FLT1: variants seen among roughly 807,000 people sequenced by gnomAD.
FLT1 encodes vascular endothelial growth factor receptor 1.
Under a neutral mutation model 156.3 loss-of-function variants are expected in FLT1, and 49 were observed. The observed-to-expected ratio is 0.31, with a 90% CI of 0.25 to 0.40. The LOEUF (loss-of-function observed/expected upper bound fraction) is 0.40. Ranked by LOEUF, FLT1 falls within the 10% of genes least tolerant of loss-of-function variation. The pLI is 1.00. For synonymous variants in FLT1, 594 were observed against 583.8 expected (o/e 1.02, Z -0.25); for missense variants, 1,322 against 1,637.2 (o/e 0.81, Z 3.32).
chr13:28,352,617 T>C (rs1872764781), intron 15 of FLT1, among the ~76,000 whole-genome samples: 1 of 152,246 alleles, frequency 6.6e-6, no homozygotes, highest in Non-Finnish European at 1.5e-5. Flanking sequence ...CTGGTTAGAT[T>C]TGAAGTATAG....
At chr13:28,408,529 A>T (rs991741745) in intron 10 of FLT1, among the ~76,000 whole-genome samples, 5 of 152,160 alleles carry the variant, frequency 3.3e-5, no homozygotes, top group African/African-American at 1.2e-4. Flanking sequence ...ATTTAGGGGG[A>T]GGGGAATGTG....
chr13:28,388,460 T>C, intron 13 of FLT1: 1 of 1,044,028 alleles, frequency 9.6e-7, no homozygotes, highest in Non-Finnish European at 1.2e-6. Flanking sequence ...TATAGTTTTT[T>C]TTTTTAAATA....
chr13:28,301,851 T>A lies in FLT1; in HGVS notation c.*1316A>T, dbSNP rs1300439585. The A allele has an allele frequency of 4.3e-6, 1 of 233,406 alleles. No homozygotes were observed. Among genetic ancestry groups the A allele is most frequent in the East Asian group, 6.0e-5 (1 of 16,576 alleles). 14.5% of individuals were successfully genotyped at this position (233,406 alleles called of 1,614,324 possible). ...CTTCTAGTGATGGCTCATTAACTAA[T>A]ATCCTGAGTCCCAACTGGAGAAATA... On this transcript the variant is annotated 3_prime_UTR_variant, in exon 30 of 30. Transcript: ENST00000282397.
chr13:28,387,676 T>G (rs2137454692), intron 13 of FLT1: 1 of 1,063,806 alleles, frequency 9.4e-7, no homozygotes, highest in African/African-American at 1.6e-5. Flanking sequence ...ATTTCAATTA[T>G]TCCCCATTTT....
At chr13:28,319,070 A>G (rs1033712800) in intron 24 of FLT1, among the ~76,000 whole-genome samples, 47 of 152,134 alleles carry the variant, frequency 3.1e-4, no homozygotes, top group African/African-American at 8.5e-4. Context: ...CGGGGAGGGA[A>G]GCGGTAAGGG....
At chr13:28,357,794 C>T (rs1209512004) in intron 14 of FLT1, 109 bp from the exon 15 acceptor site, 14 of 1,034,658 alleles carry the variant, frequency 1.4e-5, no homozygotes, top group East Asian at 2.4e-5. Flanking sequence ...CAAGGAAATC[C>T]GAGCTCTAGT....
At chr13:28,434,317 A>G (rs1877898222) in intron 4 of FLT1, 97 bp from the exon 5 acceptor site, 3 of 1,169,938 alleles carry the variant, frequency 2.6e-6, no homozygotes, top group South Asian at 2.6e-5. Flanking sequence ...TTTCATCTAA[A>G]ATGAAAATAG....
chr13:28,354,247 C>G (rs1872823456), intron 15 of FLT1, among the ~76,000 whole-genome samples: 1 of 152,200 alleles, frequency 6.6e-6, no homozygotes, highest in South Asian at 2.1e-4. Context: ...TGAATCCAAA[C>G]TCCTTCCATT....
intron 14 of FLT1, among the ~76,000 whole-genome samples, chr13:28,373,374 A>T (rs1440948266): frequency 6.6e-6 from 1 of 152,002 alleles, no homozygotes; most frequent in Non-Finnish European, 1.5e-5. Flanking sequence ...AACTTTCTTG[A>T]CTTTGATTTT....
Position 28,412,346 on chromosome 13 carries a change from C to CTCTT in FLT1, c.1437-6453_1437-6452insAAGA, listed in dbSNP as rs1566012902. ...CTTTCTTTCTTTTCTTTCTTTCTTTCTTTCTCTTTCTTTCTTTCTTTCTTT... is the reference window on the plus strand; with the variant it reads ...CTTTCTTTCTTTTCTTTCTTTCTTTCTCTTTTTCTCTTTCTTTCTTTCTTTCTTT... On this transcript the variant is annotated intron_variant, in intron 10 of 29. Coordinates refer to ENST00000282397, the MANE Select transcript of FLT1 (RefSeq NM_002019.4). Among the ~76,000 whole-genome samples the CTCTT allele has an allele frequency of 8.0e-4, 47 of 58,422 alleles. 2 individuals carry two copies. The highest frequency in any genetic ancestry group is 4.3e-3 in the Admixed American group (17 of 3,924). 38.3% of individuals were successfully genotyped at this position (58,422 alleles called of 152,430 possible). A position where few individuals can be genotyped will look rare whatever the true frequency, so the allele number is the denominator to read the frequency against.
At chr13:28,319,293 C>T (rs1192352173) in intron 24 of FLT1, 130 bp downstream of exon 24, 6 of 695,184 alleles carry the variant, frequency 8.6e-6, no homozygotes, top group Admixed American at 2.0e-5. Context: ...TCTACATGGG[C>T]CCATTACACT....
chr13:28,329,781 G>A (rs1340737217), intron 18 of FLT1, 53 bp from the exon 19 acceptor site: 5 of 1,429,904 alleles, frequency 3.5e-6, no homozygotes, highest in East Asian at 2.3e-5. Context: ...GGCTCCTTCC[G>A]CCGGAGGCGG....
At chr13:28,387,807 TTA>T in intron 13 of FLT1, 1 of 696,634 alleles carries the variant, frequency 1.4e-6, no homozygotes, top group Non-Finnish European at 1.6e-6. Flanking sequence ...AAAAGTTTCT[TTA>T]AAAAAAAAAA....
chr13:28,331,042 A>C (rs1871912005), intron 18 of FLT1, among the ~76,000 whole-genome samples: 1 of 152,158 alleles, frequency 6.6e-6, no homozygotes, highest in South Asian at 2.1e-4. Flanking sequence ...TTTTTAATTG[A>C]TTAATGGTGT....
At chr13:28,472,537 C>T (rs1028552198) in intron 1 of FLT1, among the ~76,000 whole-genome samples, 1 of 152,174 alleles carries the variant, frequency 6.6e-6, no homozygotes, top group African/African-American at 2.4e-5. Flanking sequence ...TCTAGCTGGT[C>T]GAACCCAACT....
chr13:28,426,783 C>T (rs550958191), intron 10 of FLT1, among the ~76,000 whole-genome samples: 2 of 152,130 alleles, frequency 1.3e-5, no homozygotes, highest in African/African-American at 4.8e-5. Flanking sequence ...CCAAAGAATA[C>T]AAAATGAAAA....
intron 10 of FLT1, among the ~76,000 whole-genome samples, chr13:28,415,161 GGCAC>G (rs1330536626): frequency 6.6e-6 from 1 of 152,186 alleles, no homozygotes; most frequent in Non-Finnish European, 1.5e-5. Flanking sequence ...TTCAAAGATA[GGCAC>G]AAATATTGGC....
intron 3 of FLT1, among the ~76,000 whole-genome samples, chr13:28,464,797 A>T (rs1879762681): frequency 6.6e-6 from 1 of 152,262 alleles, no homozygotes; most frequent in South Asian, 2.1e-4. Context: ...TCTATTGAAT[A>T]GTTTAGGAGT....
At chr13:28,380,480 A>T (rs1361321161) in intron 14 of FLT1, among the ~76,000 whole-genome samples, 2 of 152,204 alleles carry the variant, frequency 1.3e-5, no homozygotes, top group African/African-American at 4.8e-5. Flanking sequence ...TAAAGGCTAT[A>T]GTGGTTTTAC....
Sources: gnomAD v4.1 joint callset for allele counts (sites outside exome capture counted in the v4.1 genomes callset) on GRCh38, gnomAD v4.1.1 for gene constraint, MANE v1.5 for transcripts, NCBI Gene and HGNC (gene_info 2026-07-23, HGNC 2026-07-21) for gene names.